Variants in ADCY8 observed in about 807,000 individuals in gnomAD.
The protein encoded by ADCY8 is adenylate cyclase type 8.
A neutral mutation model predicts 119.7 loss-of-function variants in ADCY8; 51 were observed. That is an observed-to-expected ratio of 0.43 (90% CI 0.34 to 0.54). The LOEUF is 0.54. Ranked by LOEUF, ADCY8 falls within the 20% of genes least tolerant of loss-of-function variation. ADCY8 has a pLI of 0.03. For missense variants in ADCY8, 1,383 were observed against 1,598.8 expected, an observed-to-expected ratio of 0.87 and a Z score of 2.30; for synonymous variants, 665 against 651.0, an observed-to-expected ratio of 1.02 and a Z score of -0.33.
intron 1 of ADCY8, among the ~76,000 whole-genome samples, chr8:130,998,828 A>G (rs1586643238): frequency 6.6e-6 from 1 of 152,256 alleles, no homozygotes; most frequent in African/African-American, 2.4e-5. Context: ...CATAGAAAAG[A>G]GAAGAGACAA....
At chr8:130,800,947 G>A (rs1308261941) in intron 14 of ADCY8, among the ~76,000 whole-genome samples, 1 of 152,182 alleles carries the variant, frequency 6.6e-6, no homozygotes, top group African/African-American at 2.4e-5. Context: ...CTTTTAAAAT[G>A]AGGGCACTAA....
intron 2 of ADCY8, among the ~76,000 whole-genome samples, chr8:130,969,397 A>T (rs1476332861): frequency 6.6e-6 from 1 of 151,464 alleles, no homozygotes; most frequent in Non-Finnish European, 1.5e-5. Flanking sequence ...ATTCCTTAAA[A>T]TAAAGCTCTC....
At chr8:130,856,531 C>T (rs1428773143) in intron 9 of ADCY8, among the ~76,000 whole-genome samples, 3 of 152,162 alleles carry the variant, frequency 2.0e-5, no homozygotes, top group Admixed American at 1.3e-4. Context: ...ACTCACAGCT[C>T]GCCACCCCGA....
At chr8:130,899,244 ATCTC>A (rs1819513629) in intron 7 of ADCY8, among the ~76,000 whole-genome samples, 1 of 152,142 alleles carries the variant, frequency 6.6e-6, no homozygotes, top group African/African-American at 2.4e-5. Context: ...CCCTGGTCAT[ATCTC>A]TCTATTTCCT....
At chr8:130,817,790 T>G (rs564032033) in intron 13 of ADCY8, among the ~76,000 whole-genome samples, 10 of 152,332 alleles carry the variant, frequency 6.6e-5, no homozygotes, top group African/African-American at 2.4e-4. Context: ...GCATTTATCT[T>G]TGCTTTATGA....
chr8:130,920,663 T>C (rs934201144), intron 5 of ADCY8, among the ~76,000 whole-genome samples: 7 of 152,256 alleles, frequency 4.6e-5, no homozygotes, highest in African/African-American at 1.7e-4. Flanking sequence ...TTTAATTTTA[T>C]GTGTCAATTT....
At chr8:130,907,340 G>A (rs925638457) in intron 6 of ADCY8, among the ~76,000 whole-genome samples, 1 of 151,966 alleles carries the variant, frequency 6.6e-6, no homozygotes, top group African/African-American at 2.4e-5. Context: ...GCTCAGTGGT[G>A]TTAAAGAAGA....
chr8:131,004,024 C>A (rs1823036570), intron 1 of ADCY8, among the ~76,000 whole-genome samples: 1 of 152,126 alleles, frequency 6.6e-6, no homozygotes, highest in Non-Finnish European at 1.5e-5. Flanking sequence ...GCCTTTCCTC[C>A]CCCACCATGC....
At chr8:130,810,776 C>T (rs534747892) in intron 14 of ADCY8, among the ~76,000 whole-genome samples, 2 of 152,234 alleles carry the variant, frequency 1.3e-5, no homozygotes, top group East Asian at 1.9e-4. Context: ...CTTATACATG[C>T]GATTAATGCT....
chr8:130,875,208 T>A (rs1818516100), intron 8 of ADCY8, among the ~76,000 whole-genome samples: 1 of 152,170 alleles, frequency 6.6e-6, no homozygotes, highest in Non-Finnish European at 1.5e-5. Flanking sequence ...AGGAGTCTTA[T>A]AAGGCTACTG....
At chr8:130,883,354 G>C (rs1818852108) in intron 8 of ADCY8, among the ~76,000 whole-genome samples, 1 of 152,100 alleles carries the variant, frequency 6.6e-6, no homozygotes, top group African/African-American at 2.4e-5. Flanking sequence ...AATAAGAGAA[G>C]TGTGTCTTTT....
chr8:131,013,841 A>G (rs1823386708), intron 1 of ADCY8, among the ~76,000 whole-genome samples: 1 of 152,228 alleles, frequency 6.6e-6, no homozygotes, highest in Non-Finnish European at 1.5e-5. Flanking sequence ...CAAAAGTTGG[A>G]ACATTTTCCC....
intron 2 of ADCY8, among the ~76,000 whole-genome samples, chr8:130,979,849 G>T (rs1822185915): frequency 6.6e-6 from 1 of 152,152 alleles, no homozygotes; most frequent in African/African-American, 2.4e-5. Flanking sequence ...GTTTAAGGAG[G>T]GGAGAGAGGT....
chr8:130,923,219 AAGAG>A (rs561066807), intron 5 of ADCY8, among the ~76,000 whole-genome samples: 4 of 151,996 alleles, frequency 2.6e-5, no homozygotes, highest in Admixed American at 6.6e-5. Flanking sequence ...GAGAGAGAGA[AAGAG>A]AGAAAAGAAA....
At chr8:130,788,208 C>T (rs1815318272) in intron 15 of ADCY8, among the ~76,000 whole-genome samples, 1 of 152,154 alleles carries the variant, frequency 6.6e-6, no homozygotes. Context: ...GATTTCATTT[C>T]CTTTGGGTAT....
rs74540823 is a variant in ADCY8 at position 130,876,746 on chromosome 8, G to T, written c.2109+7818C>A. 7.9e-3 allele frequency among the ~76,000 whole-genome samples: 1,200 copies of T among 152,124 alleles called. 19 individuals are homozygous for T. Among genetic ancestry groups the T allele is most frequent in the African/African-American group, 0.028 (1,144 of 41,504 alleles). On this transcript the variant is annotated intron_variant, in intron 8 of 17. Coordinates refer to ENST00000286355, the MANE Select transcript of ADCY8 (RefSeq NM_001115.3). ...AGGGGGGAATGAATAGAGGATAAAA[G>T]AAATGTTCATGGTTTTAACTTTTTT...
At chr8:130,972,489 A>G (rs1821952069) in intron 2 of ADCY8, among the ~76,000 whole-genome samples, 1 of 152,182 alleles carries the variant, frequency 6.6e-6, no homozygotes, top group African/African-American at 2.4e-5. Flanking sequence ...TTTGCAAGGT[A>G]ATAATAATAA....
intron 2 of ADCY8, among the ~76,000 whole-genome samples, chr8:130,977,608 T>C (rs752104562): frequency 3.3e-5 from 5 of 152,214 alleles, no homozygotes; most frequent in Non-Finnish European, 5.9e-5. Flanking sequence ...AGAGCTCTTA[T>C]TGGGCACCTA....
At chr8:130,921,463 T>C (rs1205181608) in intron 5 of ADCY8, among the ~76,000 whole-genome samples, 8 of 150,246 alleles carry the variant, frequency 5.3e-5, no homozygotes, top group African/African-American at 2.0e-4. Flanking sequence ...TTTTTTTTTT[T>C]TTTTGAGACA....
Sources: gnomAD v4.1 joint callset for allele counts (sites outside exome capture counted in the v4.1 genomes callset) on GRCh38, gnomAD v4.1.1 for gene constraint, MANE v1.5 for transcripts, NCBI Gene and HGNC (gene_info 2026-07-23, HGNC 2026-07-21) for gene names.